EFCAB6: variants seen among roughly 807,000 people sequenced by gnomAD.
EFCAB6 encodes the protein EF-hand calcium binding domain 6, also known as EF-hand calcium-binding domain-containing protein 6.
EFCAB6 carries 156 observed loss-of-function variants against 169.8 expected under a neutral mutation model. The observed-to-expected ratio is 0.92, with a 90% CI of 0.81 to 1.05. EFCAB6 has a LOEUF of 1.05. EFCAB6 is among the 50% of genes least tolerant of loss of function. The pLI is 0.00. For missense variants in EFCAB6, 1,800 were observed against 1,829.1 expected (o/e 0.98, Z 0.29); for synonymous variants, 698 against 676.4 (o/e 1.03, Z -0.50).
At chr22:43,556,879 T>C (rs1429179386) in intron 26 of EFCAB6, among the ~76,000 whole-genome samples, 1 of 152,228 alleles carries the variant, frequency 6.6e-6, no homozygotes, top group Non-Finnish European at 1.5e-5. Flanking sequence ...AAAAGTGATA[T>C]TGCTGATGCA....
At chr22:43,715,536 G>A (rs12157688) in intron 9 of EFCAB6, among the ~76,000 whole-genome samples, 2,300 of 152,122 alleles carry the variant, frequency 0.015, 31 homozygotes, top group African/African-American at 0.04. Context: ...AATTAAATAC[G>A]TTTTATTTTT....
At chr22:43,580,086 C>G (rs1229971442) in intron 25 of EFCAB6, among the ~76,000 whole-genome samples, 1 of 152,184 alleles carries the variant, frequency 6.6e-6, no homozygotes, top group Admixed American at 6.5e-5. Flanking sequence ...TGTGCCACAA[C>G]CTGGCTCAGT....
At chr22:43,568,698 C>A (rs1374885919) in intron 26 of EFCAB6, among the ~76,000 whole-genome samples, 1 of 152,132 alleles carries the variant, frequency 6.6e-6, no homozygotes, top group Non-Finnish European at 1.5e-5. Context: ...TGGGGCCTGG[C>A]TGAGGTCCTG....
chr22:43,634,577 C>T (rs2055236474), intron 18 of EFCAB6, among the ~76,000 whole-genome samples: 1 of 151,930 alleles, frequency 6.6e-6, no homozygotes. Flanking sequence ...TGTTTGTCCA[C>T]CAAAATGTCT....
chr22:43,602,006 G>A (rs528104873), intron 22 of EFCAB6, among the ~76,000 whole-genome samples: 27 of 152,364 alleles, frequency 1.8e-4, no homozygotes, highest in Admixed American at 1.8e-3. Context: ...CTTGGACGAC[G>A]TCCTCCGCTA....
chr22:43,602,886 C>T (rs2052626103), intron 22 of EFCAB6, among the ~76,000 whole-genome samples: 1 of 151,950 alleles, frequency 6.6e-6, no homozygotes, highest in African/African-American at 2.4e-5. Flanking sequence ...TGCTCTATGC[C>T]ACCCAAAGTT....
At chr22:43,631,002 G>A (rs142780021) in intron 19 of EFCAB6, among the ~76,000 whole-genome samples, 1 of 152,168 alleles carries the variant, frequency 6.6e-6, no homozygotes, top group East Asian at 1.9e-4. Context: ...TAAATACACG[G>A]GCATGTGGAA....
chr22:43,634,765 G>C (rs552059663), intron 18 of EFCAB6, among the ~76,000 whole-genome samples: 1 of 152,070 alleles, frequency 6.6e-6, no homozygotes, highest in Non-Finnish European at 1.5e-5. Flanking sequence ...GCCTGTGTGT[G>C]GTATTGTTAA....
At chr22:43,534,991 A>G in intron 29 of EFCAB6, 119 bp from the exon 30 acceptor site, 1 of 1,048,448 alleles carries the variant, frequency 9.5e-7, no homozygotes, top group Non-Finnish European at 1.4e-6. Context: ...TGGTCCTCAC[A>G]TCAAAGAACT....
At chr22:43,668,453 A>G (rs764806113) in intron 16 of EFCAB6, among the ~76,000 whole-genome samples, 8 of 152,256 alleles carry the variant, frequency 5.3e-5, no homozygotes, top group African/African-American at 7.2e-5. Context: ...ATATTAAAAA[A>G]TGTTAACTGA....
intron 12 of EFCAB6, among the ~76,000 whole-genome samples, chr22:43,683,356 T>G (rs897505854): frequency 6.6e-6 from 1 of 152,162 alleles, no homozygotes; most frequent in Admixed American, 6.5e-5. Flanking sequence ...GCCCCTGTTT[T>G]GGGCAATAAG....
intron 2 of EFCAB6, among the ~76,000 whole-genome samples, chr22:43,784,538 TGTGTGTATATGTATATATACAC>T: frequency 2.0e-5 from 2 of 100,200 alleles, no homozygotes; most frequent in Non-Finnish European, 3.9e-5. Context: ...TGTGTGTGTG[TGTGTGTATATGTATATATACAC>T]ATATATATGT....
At position 43,582,515 on chromosome 22, in the gene EFCAB6, A is replaced by G. The variant is rs567193153; in HGVS notation, c.3033-1856T>C. Among the ~76,000 whole-genome samples the G allele has an allele frequency of 9.2e-5, 14 of 152,328 alleles. No individual in the cohort carries two copies. In the East Asian group the frequency reaches 2.7e-3, roughly 29 times the overall value. On this transcript the variant is annotated intron_variant, in intron 24 of 31. Coordinates refer to ENST00000262726, the MANE Select transcript of EFCAB6 (RefSeq NM_022785.4). ...AGAATTTAAAAAGTTTCAGTTCAATAAGAACTCAGAAAATTTACTTCCTGT... is the reference window on the plus strand; with the variant it reads ...AGAATTTAAAAAGTTTCAGTTCAATGAGAACTCAGAAAATTTACTTCCTGT...
At chr22:43,699,086 G>A (rs1435254196) in intron 10 of EFCAB6, among the ~76,000 whole-genome samples, 3 of 152,050 alleles carry the variant, frequency 2.0e-5, no homozygotes, top group Non-Finnish European at 4.4e-5. Flanking sequence ...GCTGAGGCTC[G>A]GAGGGATTGA....
chr22:43,557,164 C>CTG (rs2048757437), intron 26 of EFCAB6, among the ~76,000 whole-genome samples: 2 of 152,326 alleles, frequency 1.3e-5, no homozygotes, highest in South Asian at 4.1e-4. Context: ...CCCTACCCGG[C>CTG]TGTGTGCCCC....
chr22:43,738,115 CAT>C (rs1172169661), intron 6 of EFCAB6, among the ~76,000 whole-genome samples: 5 of 151,202 alleles, frequency 3.3e-5, no homozygotes, highest in Non-Finnish European at 4.4e-5. Flanking sequence ...CCATCACACA[CAT>C]ATATTCATAC....
intron 26 of EFCAB6, among the ~76,000 whole-genome samples, chr22:43,555,411 G>A (rs923798145): frequency 6.6e-6 from 1 of 152,300 alleles, no homozygotes; most frequent in East Asian, 1.9e-4. Flanking sequence ...ATCTATTCAT[G>A]CCTTCAGGCT....
intron 26 of EFCAB6, among the ~76,000 whole-genome samples, chr22:43,558,390 C>G (rs943315500): frequency 6.6e-6 from 1 of 152,020 alleles, no homozygotes; most frequent in Non-Finnish European, 1.5e-5. Flanking sequence ...ATGAAAGGTA[C>G]ATATGACACA....
chr22:43,550,397 C>A (rs999275790), intron 27 of EFCAB6, among the ~76,000 whole-genome samples: 2 of 152,134 alleles, frequency 1.3e-5, no homozygotes, highest in African/African-American at 2.4e-5. Context: ...GAAGGCCGGG[C>A]GCGGTGGCTC....
Sources: allele counts gnomAD v4.1 joint callset (sites outside exome capture counted in the v4.1 genomes callset), GRCh38; gene constraint gnomAD v4.1.1; transcripts MANE v1.5; gene names NCBI Gene and HGNC (gene_info 2026-07-23, HGNC 2026-07-21).